BICRAL: variants seen among roughly 807,000 people sequenced by gnomAD.
BICRAL encodes the protein BRD4-interacting chromatin-remodeling complex-associated protein-like.
Under a neutral mutation model 91.8 loss-of-function variants are expected in BICRAL, and 8 were observed. The observed-to-expected ratio is 0.09, with a 90% CI of 0.05 to 0.16. The LOEUF (loss-of-function observed/expected upper bound fraction) is 0.16, where lower values mean the gene tolerates loss of function less well. Ranked by LOEUF, BICRAL falls within the 10% of genes least tolerant of loss-of-function variation. The pLI, the probability that BICRAL is intolerant of heterozygous loss-of-function variation, is 1.00. For missense variants in BICRAL, 1,038 were observed against 1,310.9 expected, an observed-to-expected ratio of 0.79 and a Z score of 3.21; for synonymous variants, 445 against 491.1, an observed-to-expected ratio of 0.91 and a Z score of 1.24.
chr6:42,843,106 C>T (rs1457272840), intron 6 of BICRAL, among the ~76,000 whole-genome samples: 1 of 152,044 alleles, frequency 6.6e-6, no homozygotes, highest in African/African-American at 2.4e-5. Flanking sequence ...CTGCCTGCCT[C>T]GGCCTCCCAA....
At chr6:42,797,479 C>T (rs753653600) in intron 1 of BICRAL, among the ~76,000 whole-genome samples, 3 of 152,062 alleles carry the variant, frequency 2.0e-5, no homozygotes, top group African/African-American at 7.2e-5. Flanking sequence ...GGAATCAGAC[C>T]GATCTGAGTT....
Position 42,822,834 on chromosome 6 carries a change from G to C in BICRAL, c.80G>C (p.Ser27Thr). 1 of 1,572,660 alleles carries C rather than the reference G, an allele frequency of 6.4e-7. No individual in the cohort carries two copies. Among genetic ancestry groups the C allele is most frequent in the Non-Finnish European group, 8.7e-7 (1 of 1,143,158 alleles). ...QALNYFLHGPSNKSSNDDLTN... is the reference protein window; with the variant it reads ...QALNYFLHGPTNKSSNDDLTN... ...TTGAACTATTTTCTACATGGACCTA[G>C]TAATAAATCTGTAAGTAATGCATAG... The change falls in exon 4 of 13, where the codon AGT (serine) becomes ACT (threonine). Residue 27 changes from serine (S) to threonine (T), a missense_variant. Coordinates refer to ENST00000314073, the MANE Select transcript of BICRAL (RefSeq NM_001393499.1).
chr6:42,781,377 A>C (rs1390935561), upstream of BICRAL, among the ~76,000 whole-genome samples: 2 of 152,202 alleles, frequency 1.3e-5, no homozygotes, highest in Admixed American at 6.5e-5. Flanking sequence ...ATGGACAAAG[A>C]GTGTTGCAAA....
chr6:42,782,929 G>C (rs1445414784), intron 1 of BICRAL, among the ~76,000 whole-genome samples: 1 of 146,026 alleles, frequency 6.8e-6, no homozygotes, highest in African/African-American at 2.5e-5. Context: ...TCTAGGGTGT[G>C]AATCACATTT....
In BICRAL at chr6:42,845,206, T is replaced by G. The variant is rs866118482; in HGVS notation, c.1840-6886T>G. ...TTTGTTTTTTGGGTGTTTTTTTTTT[T>G]TTTTTTTTTTTTTTTTTTTTTTTTT... On this transcript the variant is annotated intron_variant, in intron 6 of 12. Coordinates refer to ENST00000314073, the MANE Select transcript of BICRAL (RefSeq NM_001393499.1). Among the ~76,000 whole-genome samples the G allele has an allele frequency of 6.7e-3, 217 of 32,430 alleles. 2 individuals carry two copies. The highest frequency in any genetic ancestry group is 0.029 in the African/African-American group (155 of 5,364). The allele number at this position is 32,430 out of a possible 152,430, so 21.3% of individuals were successfully genotyped here. A position where few individuals can be genotyped will look rare whatever the true frequency, so the allele number is the denominator to read the frequency against.
intron 1 of BICRAL, among the ~76,000 whole-genome samples, chr6:42,766,811 C>T (rs983121727): frequency 6.6e-5 from 10 of 152,070 alleles, no homozygotes; most frequent in Admixed American, 1.3e-4. Context: ...GAGGCCAAGG[C>T]GGGCGGATCA....
chr6:42,854,069 A>T (rs17729932), intron 8 of BICRAL, among the ~76,000 whole-genome samples: 1,842 of 152,352 alleles, frequency 0.012, 13 homozygotes, highest in Middle Eastern at 0.037. Flanking sequence ...GTTCACTATT[A>T]TATCAAAGCG....
At chr6:42,820,780 G>C (rs1368197481) in intron 2 of BICRAL, among the ~76,000 whole-genome samples, 1 of 152,176 alleles carries the variant, frequency 6.6e-6, no homozygotes, top group Admixed American at 6.5e-5. Flanking sequence ...TCTACTCACA[G>C]GGTTTGTAAT....
chr6:42,755,300 G>T (rs906577963), intron 1 of BICRAL, among the ~76,000 whole-genome samples: 1 of 152,258 alleles, frequency 6.6e-6, no homozygotes. Context: ...TGGGATTTGG[G>T]GCAGGTCAGA....
At chr6:42,751,428 G>T (rs1007876138) in intron 1 of BICRAL, among the ~76,000 whole-genome samples, 3 of 152,096 alleles carry the variant, frequency 2.0e-5, no homozygotes. Flanking sequence ...AACGTCTGTT[G>T]TATTTATTTG....
chr6:42,779,047 G>A (rs1037742161), upstream of BICRAL, among the ~76,000 whole-genome samples: 10 of 151,408 alleles, frequency 6.6e-5, no homozygotes, highest in East Asian at 3.9e-4. Flanking sequence ...GGCTGGACCC[G>A]TCTCTAAAAA....
rs1554273004 is a variant in BICRAL at position 42,747,808 on chromosome 6, T to TA, written c.-261+785_-261+786insA. Among the ~76,000 whole-genome samples the TA allele has an allele frequency of 3.6e-3, 522 of 145,562 alleles. 1 individual carries two copies. The highest frequency in any genetic ancestry group is 0.013 in the African/African-American group (490 of 38,258). ...TTTTGCTTTTTTGTTTTATTTTGTTTTTTTTTTTTTTTTTTGAGACGGAGT... is the reference window on the plus strand; with the variant it reads ...TTTTGCTTTTTTGTTTTATTTTGTTTATTTTTTTTTTTTTTTGAGACGGAGT... On this transcript the variant is annotated intron_variant, in intron 1 of 14. Coordinates refer to the BICRAL transcript ENST00000614467.
rs748796405 is a variant in BICRAL, at chr6:42,866,765, C to A, written c.*1319C>A. 8 of 455,598 alleles carry A rather than the reference C, an allele frequency of 1.8e-5. No homozygotes were observed. The highest frequency in any genetic ancestry group is 4.0e-5 in the African/African-American group (2 of 49,934). The allele number at this position is 455,598 out of a possible 1,614,324, so 28.2% of individuals were successfully genotyped here. On this transcript the variant is annotated 3_prime_UTR_variant, in exon 13 of 13. Transcript: ENST00000314073. ...CTTACTGCTTTATTTATTTTTATTT[C>A]TTGTCAGGGAGTATTCTCCGTTTTC... is the stretch of plus-strand genomic sequence containing the variant.
Position 42,751,679 on chromosome 6 carries a change from C to T in BICRAL, c.-261+4656C>T, listed in dbSNP as rs1356752476. 1.6e-4 allele frequency among the ~76,000 whole-genome samples: 17 copies of T among 108,474 alleles called. 1 individual carries two copies. The East Asian group carries it at 3.4e-3, about 22-fold the overall frequency. The allele number at this position is 108,474 out of a possible 152,430, so 71.2% of individuals were successfully genotyped here. A position where few individuals can be genotyped will look rare whatever the true frequency, so the allele number is the denominator to read the frequency against. On this transcript the variant is annotated intron_variant, in intron 1 of 14. Transcript: ENST00000614467. ...CTTTTTTTTTTTTTTTTTTTTGAGA[C>T]GGAGTTTTGCCCTTGTTGCCCAGGC...
chr6:42,853,266 G>C (rs933305466), intron 7 of BICRAL, among the ~76,000 whole-genome samples: 3 of 151,264 alleles, frequency 2.0e-5, no homozygotes, highest in Non-Finnish European at 4.4e-5. Flanking sequence ...AAGAGAAAAA[G>C]CTTGAATATT....
rs148507373 is a variant in BICRAL, at chr6:42,854,292, A to C, written c.2046+554A>C. On this transcript the variant is annotated intron_variant, in intron 8 of 12. Coordinates refer to ENST00000314073, the MANE Select transcript of BICRAL (RefSeq NM_001393499.1). ...CAGCTTACTGCAGCCTTGACCTCCC[A>C]GGCTCAGGTGACCCTCCTGCCTCAG... Among the ~76,000 whole-genome samples the C allele has an allele frequency of 3.8e-3, 581 of 152,238 alleles. 11 individuals carry two copies. The East Asian group carries it at 0.066, about 17-fold the overall frequency.
intron 6 of BICRAL, among the ~76,000 whole-genome samples, chr6:42,841,859 A>T (rs1057430564): frequency 3.9e-5 from 6 of 152,224 alleles, no homozygotes; most frequent in Non-Finnish European, 7.3e-5. Context: ...CAAATTACTC[A>T]TAAAGGCTAA....
intron 1 of BICRAL, among the ~76,000 whole-genome samples, chr6:42,773,639 C>T (rs552466323): frequency 1.3e-5 from 2 of 151,972 alleles, no homozygotes; most frequent in East Asian, 2.0e-4. Flanking sequence ...CTCAGCATCC[C>T]GAGTAGCTGG....
intron 1 of BICRAL, among the ~76,000 whole-genome samples, chr6:42,799,869 A>ATATTTATTTATT (rs201720820): frequency 1.3e-5 from 2 of 151,268 alleles, no homozygotes; most frequent in African/African-American, 4.9e-5. Context: ...TCTTTCTTAA[A>ATATTTATTTATT]TATTTATTTA....
Sources: allele counts gnomAD v4.1 joint callset (sites outside exome capture counted in the v4.1 genomes callset), GRCh38; gene constraint gnomAD v4.1.1; transcripts MANE v1.5; gene names NCBI Gene and HGNC (gene_info 2026-07-23, HGNC 2026-07-21).